Variants in FOXN3 observed in about 807,000 individuals in gnomAD.
FOXN3 encodes forkhead box protein N3.
Under a neutral mutation model 38.4 loss-of-function variants are expected in FOXN3, and 7 were observed. That is an observed-to-expected ratio of 0.18 (90% confidence interval 0.10 to 0.34). FOXN3 has a LOEUF of 0.34. FOXN3 is among the 10% of genes least tolerant of loss of function. The pLI, the probability that FOXN3 is intolerant of heterozygous loss-of-function variation, is 1.00. For missense variants in FOXN3, 456 were observed against 613.4 expected, an observed-to-expected ratio of 0.74 and a Z score of 2.71; for synonymous variants, 230 against 242.2, an observed-to-expected ratio of 0.95 and a Z score of 0.47.
At chr14:89,396,394 T>C (rs893442051) in intron 2 of FOXN3, among the ~76,000 whole-genome samples, 1 of 152,044 alleles carries the variant, frequency 6.6e-6, no homozygotes, top group African/African-American at 2.4e-5. Flanking sequence ...GATCTGTGGG[T>C]TTTACCAAGT....
chr14:89,304,097 T>A (rs1233446459), intron 3 of FOXN3, among the ~76,000 whole-genome samples: 1 of 152,226 alleles, frequency 6.6e-6, no homozygotes, highest in South Asian at 2.1e-4. Flanking sequence ...TGCTGTCACA[T>A]GCAAACTTGA....
chr14:89,341,677 G>T (rs368248285), intron 3 of FOXN3, among the ~76,000 whole-genome samples: 1 of 152,150 alleles, frequency 6.6e-6, no homozygotes, highest in Non-Finnish European at 1.5e-5. Context: ...TATTATTGAT[G>T]AAAAATGTGC....
At chr14:89,228,355 C>T (rs140885702) in intron 4 of FOXN3, among the ~76,000 whole-genome samples, 5 of 152,276 alleles carry the variant, frequency 3.3e-5, no homozygotes, top group East Asian at 1.9e-4. Flanking sequence ...GGGTTATGAA[C>T]GTTTCTTTTT....
chr14:89,273,179 TCTATGCCCATAAC>T (rs1886203112), intron 4 of FOXN3, among the ~76,000 whole-genome samples: 1 of 152,226 alleles, frequency 6.6e-6, no homozygotes, highest in Non-Finnish European at 1.5e-5. Flanking sequence ...GCAAAGCTCA[TCTATGCCCATAAC>T]CTATGCCCAT....
At chr14:89,192,358 T>C (rs745329020) in intron 4 of FOXN3, among the ~76,000 whole-genome samples, 1 of 145,518 alleles carries the variant, frequency 6.9e-6, no homozygotes, top group Non-Finnish European at 1.5e-5. Flanking sequence ...TAGTATACAG[T>C]TTATATATTA....
At chr14:89,442,491 T>C (rs182708870) in intron 1 of FOXN3, among the ~76,000 whole-genome samples, 13 of 152,328 alleles carry the variant, frequency 8.5e-5, no homozygotes, top group African/African-American at 2.9e-4. Context: ...GCGCTGCCAC[T>C]GGCCAAAATG....
At chr14:89,183,205 G>C (rs1473130752) in intron 4 of FOXN3, among the ~76,000 whole-genome samples, 1 of 152,156 alleles carries the variant, frequency 6.6e-6, no homozygotes, top group African/African-American at 2.4e-5. Flanking sequence ...CCTAGAAATG[G>C]TCAGATAGCC....
intron 4 of FOXN3, among the ~76,000 whole-genome samples, chr14:89,207,054 G>A (rs551343535): frequency 2.6e-5 from 4 of 152,210 alleles, no homozygotes; most frequent in African/African-American, 9.6e-5. Flanking sequence ...GAAAAAGACA[G>A]TGGTAGATAA....
At chr14:89,306,631 T>C (rs1454258996) in intron 3 of FOXN3, among the ~76,000 whole-genome samples, 1 of 152,052 alleles carries the variant, frequency 6.6e-6, no homozygotes, top group Non-Finnish European at 1.5e-5. Flanking sequence ...CCTTCCAAAG[T>C]GCTGGGATTA....
chr14:89,316,122 C>T (rs1207065462), intron 3 of FOXN3, among the ~76,000 whole-genome samples: 1 of 152,300 alleles, frequency 6.6e-6, no homozygotes, highest in East Asian at 1.9e-4. Context: ...GCAAATATGA[C>T]ACAAGGAGAA....
intron 1 of FOXN3, among the ~76,000 whole-genome samples, chr14:89,509,631 A>G (rs1279757039): frequency 1.3e-5 from 2 of 152,182 alleles, no homozygotes; most frequent in Non-Finnish European, 2.9e-5. Context: ...CACCACGCCC[A>G]GCATTGTCCA....
intron 2 of FOXN3, among the ~76,000 whole-genome samples, chr14:89,360,596 GGGAGGGAAGGAGGGAA>G (rs200016963): frequency 6.6e-6 from 1 of 150,980 alleles, no homozygotes. Flanking sequence ...AAGGGAGAGA[GGGAGGGAAGGAGGGAA>G]GGAGGGAAGG....
At chr14:89,374,978 GAAAAA>G (rs71460268) in intron 2 of FOXN3, among the ~76,000 whole-genome samples, 1 of 87,492 alleles carries the variant, frequency 1.1e-5, no homozygotes, top group Non-Finnish European at 2.5e-5. Flanking sequence ...CTCCGTCTCA[GAAAAA>G]AAAAAAAAAA....
At chr14:89,264,247 T>C (rs1290027914) in intron 4 of FOXN3, among the ~76,000 whole-genome samples, 1 of 152,128 alleles carries the variant, frequency 6.6e-6, no homozygotes, top group Non-Finnish European at 1.5e-5. Flanking sequence ...AAAGGTTTAA[T>C]GGGCTCACAG....
intron 3 of FOXN3, among the ~76,000 whole-genome samples, chr14:89,331,331 T>C (rs1888242002): frequency 6.6e-6 from 1 of 152,270 alleles, no homozygotes; most frequent in Admixed American, 6.5e-5. Flanking sequence ...CTGGCTTTTT[T>C]CACTCTGCAT....
At chr14:89,556,997 T>C (rs1360358340) in intron 1 of FOXN3, among the ~76,000 whole-genome samples, 2 of 152,100 alleles carry the variant, frequency 1.3e-5, no homozygotes, top group Non-Finnish European at 2.9e-5. Flanking sequence ...CCGGAACCTG[T>C]GGGGTGGGAA....
At chr14:89,253,701 A>C (rs1423405793) in intron 4 of FOXN3, among the ~76,000 whole-genome samples, 2 of 152,044 alleles carry the variant, frequency 1.3e-5, no homozygotes, top group African/African-American at 4.8e-5. Flanking sequence ...CCTTCTAATA[A>C]ATCTTTGGCC....
At chr14:89,531,079 CACAT>C (rs1026858783) in intron 1 of FOXN3, among the ~76,000 whole-genome samples, 1 of 146,118 alleles carries the variant, frequency 6.8e-6, no homozygotes, top group Admixed American at 6.9e-5. Context: ...TATATACACA[CACAT>C]ATATATACAC....
intron 2 of FOXN3, among the ~76,000 whole-genome samples, chr14:89,375,098 G>C (rs921292526): frequency 2.0e-5 from 3 of 152,156 alleles, no homozygotes; most frequent in African/African-American, 7.2e-5. Context: ...GGGTTTTGGT[G>C]GAGGGGTAGG....
Sources: gnomAD v4.1 joint callset for allele counts (sites outside exome capture counted in the v4.1 genomes callset) on GRCh38, gnomAD v4.1.1 for gene constraint, MANE v1.5 for transcripts, NCBI Gene and HGNC (gene_info 2026-07-23, HGNC 2026-07-21) for gene names.